The following EML6 variants were observed in gnomAD, a reference collection of about 807,000 sequenced individuals.
EML6 encodes EMAP like 6.
Under a neutral mutation model 240.1 loss-of-function variants are expected in EML6, and 154 were observed. The observed-to-expected ratio is 0.64, with a 90% CI of 0.56 to 0.73. The LOEUF is 0.73. Among genes scored for constraint, EML6 ranks in the 30% least tolerant of loss-of-function variants. The pLI is 0.00. For synonymous variants in EML6, 1,148 were observed against 899.0 expected, an observed-to-expected ratio of 1.28 and a Z score of -4.95; for missense variants, 2,964 against 2,474.6, an observed-to-expected ratio of 1.20 and a Z score of -4.20.
chr2:54,782,167 A>C (rs781151460), intron 2 of EML6, among the ~76,000 whole-genome samples: 4 of 152,194 alleles, frequency 2.6e-5, no homozygotes, highest in Non-Finnish European at 5.9e-5. Context: ...GAATTTCCCT[A>C]TCACTTCAAA....
At chr2:54,823,876 CTT>C (rs1491559954) in intron 5 of EML6, among the ~76,000 whole-genome samples, 4,025 of 141,424 alleles carry the variant, frequency 0.028, 272 homozygotes, top group African/African-American at 0.091. Flanking sequence ...CTCTCTCTCT[CTT>C]TCTGTCTCTC....
chr2:54,958,190 C>CAT (rs1352203279), intron 33 of EML6, among the ~76,000 whole-genome samples, 192 bp downstream of exon 33: 2 of 151,988 alleles, frequency 1.3e-5, no homozygotes, highest in East Asian at 1.9e-4. Flanking sequence ...TGGCAACATA[C>CAT]ATATATATAT....
intron 2 of EML6, among the ~76,000 whole-genome samples, chr2:54,734,731 G>A (rs1316741503): frequency 6.6e-6 from 1 of 152,222 alleles, no homozygotes; most frequent in African/African-American, 2.4e-5. Flanking sequence ...AGAGATACTG[G>A]TGCATACCTG....
intron 30 of EML6, among the ~76,000 whole-genome samples, chr2:54,951,565 C>T (rs762122399): frequency 2.2e-4 from 33 of 149,074 alleles, no homozygotes; most frequent in African/African-American, 8.1e-4. Context: ...AAAAAAAATA[C>T]TCAAACCACA....
At chr2:54,895,493 GCACT>G (rs555077436) in intron 21 of EML6, 93 bp downstream of exon 21, 211 of 1,264,562 alleles carry the variant, frequency 1.7e-4, no homozygotes, top group African/African-American at 1.6e-3. Flanking sequence ...ACTTAAGGAG[GCACT>G]CACTCTCAGG....
Position 54,964,575 on chromosome 2 carries a change from A to G in EML6, c.5335A>G (p.Ser1779Gly), listed in dbSNP as rs1232748789. Residue 1779 changes from serine to glycine, a missense_variant, in exon 38 of 42, where the codon AGC becomes GGC. Coordinates refer to ENST00000356458, the MANE Select transcript of EML6 (RefSeq NM_001039753.4). Reference sequence around the variant, plus strand: ...CTCTCGGATTGCTTTTTCTAGAATCAGCCCAGACAACCGATTCTTAGCCGT... The same window carrying G: ...CTCTCGGATTGCTTTTTCTAGAATCGGCCCAGACAACCGATTCTTAGCCGT... ...RKSAIQDIRI[S>G]PDNRFLAVGS... 1 of 1,552,328 alleles carries G rather than the reference A, an allele frequency of 6.4e-7. No individual in the cohort carries two copies. The highest frequency in any genetic ancestry group is 2.4e-5 in the East Asian group (1 of 40,918).
intron 28 of EML6, among the ~76,000 whole-genome samples, chr2:54,936,233 C>G (rs747027784): frequency 3.7e-4 from 57 of 152,172 alleles, no homozygotes; most frequent in Admixed American, 3.3e-4. Context: ...AAGGAACATT[C>G]TTTTTGATAA....
At chr2:54,752,796 AC>A (rs1255156750) in intron 2 of EML6, among the ~76,000 whole-genome samples, 120 of 152,102 alleles carry the variant, frequency 7.9e-4, no homozygotes, top group African/African-American at 2.7e-3. Context: ...TTCTTTTTAA[AC>A]CTTTTTTTTG....
chr2:54,869,362 G>A lies in EML6; in HGVS notation c.2233G>A (p.Gly745Arg). The part of the protein sequence containing the change: ...IHPVKDYVAT[G>R]QVGRDAAIHV... The stretch of plus-strand genomic sequence containing the variant: ...TCCAGTGAAGGACTATGTGGCTACT[G>A]GGCAGGTATCTATCTCCTGTAAACT... The change falls in exon 15 of 42, where the codon GGG becomes AGG. Residue 745 changes from glycine to arginine, a missense_variant. Coordinates refer to ENST00000356458, the MANE Select transcript of EML6 (RefSeq NM_001039753.4). 6.5e-7 allele frequency: 1 copy of A among 1,547,776 alleles called. No individual in the cohort carries two copies. Among genetic ancestry groups the A allele is most frequent in the Non-Finnish European group, 8.7e-7 (1 of 1,144,164 alleles).
At chr2:54,801,773 A>G (rs993142655) in intron 2 of EML6, among the ~76,000 whole-genome samples, 6 of 152,224 alleles carry the variant, frequency 3.9e-5, no homozygotes, top group Admixed American at 2.6e-4. Flanking sequence ...CGTGGTTATT[A>G]TTTTGTAGCT....
intron 2 of EML6, among the ~76,000 whole-genome samples, chr2:54,809,448 G>A (rs1379353545): frequency 6.6e-6 from 1 of 152,112 alleles, no homozygotes; most frequent in Non-Finnish European, 1.5e-5. Context: ...AGGGGACAGG[G>A]TTCTTTGCAT....
chr2:54,789,775 A>G (rs1572899644), intron 2 of EML6, among the ~76,000 whole-genome samples: 2 of 152,194 alleles, frequency 1.3e-5, no homozygotes, highest in East Asian at 3.9e-4. Flanking sequence ...ACATGGTCCT[A>G]ATAGGTAGAA....
Position 54,954,055 on chromosome 2 carries a change from C to T in EML6, c.4385C>T (p.Ser1462Phe), listed in dbSNP as rs1009740747. The T allele has an allele frequency of 1.3e-6, 2 of 1,551,958 alleles. No individual in the cohort carries two copies. The highest frequency in any genetic ancestry group is 1.7e-6 in the Non-Finnish European group (2 of 1,147,006). ...HTLSMLRCFH[S>F]KGVNYINFSA... The stretch of plus-strand genomic sequence containing the variant: ...CTCTCCATGCTGCGGTGCTTCCACT[C>T]CAAGGGGGTGAATTACATCAACTTC... Residue 1462 changes from serine (S) to phenylalanine (F), a missense_variant, in exon 32 of 42, where the codon TCC becomes TTC. By Grantham distance (155) the Ser-to-Phe change is radical. Transcript: ENST00000356458.
chr2:54,893,469 C>T (rs1444603248), intron 19 of EML6, among the ~76,000 whole-genome samples: 1 of 152,156 alleles, frequency 6.6e-6, no homozygotes, highest in East Asian at 1.9e-4. Context: ...TTAATCCATT[C>T]ATGAGGGCAG....
intron 28 of EML6, among the ~76,000 whole-genome samples, chr2:54,931,152 T>C (rs1364733367): frequency 2.0e-5 from 3 of 151,458 alleles, no homozygotes; most frequent in African/African-American, 7.3e-5. Flanking sequence ...AGAGACGGGG[T>C]TTCACCGTGT....
At chr2:54,815,035 G>C (rs1366473362) in intron 3 of EML6, among the ~76,000 whole-genome samples, 1 of 152,146 alleles carries the variant, frequency 6.6e-6, no homozygotes, top group African/African-American at 2.4e-5. Flanking sequence ...TGTCTGTACT[G>C]GTATGCACCT....
At position 54,774,174 on chromosome 2, in the gene EML6, A is replaced by AT. The variant is rs1326323740; in HGVS notation, c.198-39055dup. ...GGAAATGTCTTTATTCTTGGCATTT[A>AT]TTTCTGTAAAAGAAGAGGAGTGATT... is the stretch of plus-strand genomic sequence containing the variant. On this transcript the variant is annotated intron_variant, in intron 2 of 41. Coordinates refer to ENST00000356458, the MANE Select transcript of EML6 (RefSeq NM_001039753.4). The surrounding 1 kb of genome is among the most constrained non-coding windows in gnomAD (Gnocchi z 4.1). 6.6e-6 allele frequency among the ~76,000 whole-genome samples: 1 copy of AT among 152,180 alleles called. No individual in the cohort carries two copies. The highest frequency in any genetic ancestry group is 1.5e-5 in the Non-Finnish European group (1 of 68,008).
chr2:54,745,464 G>T (rs911210650), intron 2 of EML6, among the ~76,000 whole-genome samples: 2 of 152,150 alleles, frequency 1.3e-5, no homozygotes, highest in Non-Finnish European at 1.5e-5. Flanking sequence ...TGAAATGCAT[G>T]TGAAATGAAA....
At chr2:54,926,728 C>G (rs1210977420) in intron 26 of EML6, among the ~76,000 whole-genome samples, 1 of 152,228 alleles carries the variant, frequency 6.6e-6, no homozygotes, top group Non-Finnish European at 1.5e-5. Flanking sequence ...CCCACTGCTG[C>G]AGGAATCTCT....
Sources: gnomAD v4.1 joint callset for allele counts (sites outside exome capture counted in the v4.1 genomes callset) on GRCh38, gnomAD v4.1.1 for gene constraint, Gnocchi (gnomAD v3.1) non-coding constraint, MANE v1.5 for transcripts, NCBI Gene and HGNC (gene_info 2026-07-23, HGNC 2026-07-21) for gene names.